AAK1: variants seen among roughly 807,000 people sequenced by gnomAD.
AAK1 encodes the protein AP2 associated kinase 1.
In AAK1, 37 loss-of-function variants were observed where a neutral mutation model predicts 116.0. That is an observed-to-expected ratio of 0.32 (90% confidence interval 0.25 to 0.42). The LOEUF (loss-of-function observed/expected upper bound fraction) is 0.42. AAK1 is among the 10% of genes least tolerant of loss of function. The pLI is 1.00. For missense variants in AAK1, 919 were observed against 1,170.6 expected (o/e 0.79, Z 3.14); for synonymous variants, 458 against 439.9 (o/e 1.04, Z -0.51).
intron 2 of AAK1, among the ~76,000 whole-genome samples, chr2:69,592,948 A>G (rs1673099448): frequency 6.6e-6 from 1 of 152,248 alleles, no homozygotes; most frequent in Admixed American, 6.5e-5. Context: ...CTAGTTTATA[A>G]GCCTGAATAA....
chr2:69,527,385 A>T, intron 8 of AAK1, 66 bp from the exon 9 acceptor site: 2 of 1,076,782 alleles, frequency 1.9e-6, no homozygotes, highest in Middle Eastern at 2.2e-4. Flanking sequence ...AGGAAGCATC[A>T]TTCCTCTCTC....
chr2:69,604,501 T>G (rs1367726566), intron 2 of AAK1, among the ~76,000 whole-genome samples: 1 of 152,184 alleles, frequency 6.6e-6, no homozygotes, highest in Non-Finnish European at 1.5e-5. Flanking sequence ...ACTCACCCTC[T>G]TACCTTCTTG....
intron 2 of AAK1, among the ~76,000 whole-genome samples, chr2:69,611,136 C>T (rs777126911): frequency 1.3e-5 from 2 of 152,172 alleles, no homozygotes; most frequent in Admixed American, 6.5e-5. Context: ...AGGAGACTGA[C>T]ATTTGAGTTG....
rs200675453 is a variant in AAK1, at chr2:69,591,517, C to CTTTT, written c.164-34543_164-34540dup. ...TTCTATAATTTTTTTTTCTTTTTTT[C>CTTTT]TTTTTCTTTTTTTTTTTTTTTGAGA... On this transcript the variant is annotated intron_variant, in intron 2 of 21. Transcript: ENST00000409085. Among the ~76,000 whole-genome samples the CTTTT allele has an allele frequency of 6.2e-4, 84 of 135,072 alleles. 5 individuals carry two copies. Among genetic ancestry groups the CTTTT allele is most frequent in the East Asian group, 2.0e-3 (8 of 3,974 alleles). 88.6% of individuals were successfully genotyped at this position (135,072 alleles called of 152,430 possible).
Position 69,459,107 on chromosome 2 carries a change from A to T in AAK1, c.*16762T>A, listed in dbSNP as rs552140058. ...TACCATGTAGCCATTTTTACCAGCT[A>T]TTCTAGAGTCCCTTCACACATAAAC... On this transcript the variant is annotated 3_prime_UTR_variant, in exon 22 of 22. Coordinates refer to ENST00000409085, the MANE Select transcript of AAK1 (RefSeq NM_014911.5). 3 of 152,288 alleles carry T rather than the reference A, an allele frequency of 2.0e-5. No individual in the cohort carries two copies. Among genetic ancestry groups the T allele is most frequent in the African/African-American group, 7.2e-5 (3 of 41,568 alleles). The allele number at this position is 152,288 out of a possible 1,614,324, so 9.4% of individuals were successfully genotyped here. A position where few individuals can be genotyped will look rare whatever the true frequency, so the allele number is the denominator to read the frequency against.
In AAK1 at chr2:69,577,399, G is replaced by A. The variant is rs148602153; in HGVS notation, c.164-20421C>T. Among the ~76,000 whole-genome samples the A allele has an allele frequency of 1.1e-3, 175 of 152,218 alleles. 2 individuals carry two copies. Among genetic ancestry groups the A allele is most frequent in the African/African-American group, 3.9e-3 (163 of 41,536 alleles). ...TCCACTGTCTGATCTCTGACCCCAC[G>A]TACTTAAGAGGGGGCAGGGTGCCAT... On this transcript the variant is annotated intron_variant, in intron 2 of 21. Coordinates refer to ENST00000409085, the MANE Select transcript of AAK1 (RefSeq NM_014911.5).
Position 69,465,156 on chromosome 2 carries a change from A to G in AAK1, c.*10713T>C, listed in dbSNP as rs887333390. ...AAAGCAGAGTTCTTGGTGGAAGTGG[A>G]TGACCTCTGTGAAGGAGATGAAAAT... On this transcript the variant is annotated 3_prime_UTR_variant, in exon 22 of 22. Transcript: ENST00000409085. 2.5e-5 allele frequency: 6 copies of G among 241,352 alleles called. No individual in the cohort carries two copies. The highest frequency in any genetic ancestry group is 1.1e-4 in the East Asian group (1 of 8,776). 15.0% of individuals were successfully genotyped at this position (241,352 alleles called of 1,614,324 possible). A position where few individuals can be genotyped will look rare whatever the true frequency, so the allele number is the denominator to read the frequency against.
chr2:69,602,938 C>CT (rs1292358167), intron 2 of AAK1, among the ~76,000 whole-genome samples: 3 of 152,184 alleles, frequency 2.0e-5, no homozygotes, highest in African/African-American at 7.2e-5. Context: ...GAAAAGAAAA[C>CT]TATGTATTAT....
intron 2 of AAK1, among the ~76,000 whole-genome samples, chr2:69,607,623 A>G (rs11885935): frequency 0.11 from 17,465 of 152,012 alleles, 2,259 homozygotes; most frequent in African/African-American, 0.3. Context: ...TATCATGAAA[A>G]CCTTCTAGAT....
In AAK1 at chr2:69,473,467, G is replaced by A. The variant is rs553350457; in HGVS notation, c.*2402C>T. 94 of 985,382 alleles carry A rather than the reference G, an allele frequency of 9.5e-5. 2 individuals carry two copies. The South Asian group carries it at 4.0e-3, about 42-fold the overall frequency. 61.0% of individuals were successfully genotyped at this position (985,382 alleles called of 1,614,324 possible). A position where few individuals can be genotyped will look rare whatever the true frequency, so the allele number is the denominator to read the frequency against. ...GAAAAATAGTTCTCCCCTTTGAGGA[G>A]GCCTTACTCTAAATAAGCCCAAGAC... On this transcript the variant is annotated 3_prime_UTR_variant, in exon 22 of 22. Coordinates refer to ENST00000409085, the MANE Select transcript of AAK1 (RefSeq NM_014911.5).
chr2:69,531,417 G>T (rs942871842), intron 6 of AAK1, among the ~76,000 whole-genome samples: 1 of 152,210 alleles, frequency 6.6e-6, no homozygotes, highest in Admixed American at 6.5e-5. Flanking sequence ...CAGGATGTAG[G>T]TGTGCAGGCT....
chr2:69,515,467 A>AG (rs1234931228), intron 12 of AAK1, among the ~76,000 whole-genome samples: 1 of 152,046 alleles, frequency 6.6e-6, no homozygotes, highest in Non-Finnish European at 1.5e-5. Context: ...CTGGTATCAC[A>AG]GGTGCACACT....
chr2:69,594,171 C>G (rs1351652352), intron 2 of AAK1, among the ~76,000 whole-genome samples: 1 of 152,196 alleles, frequency 6.6e-6, no homozygotes, highest in Admixed American at 6.5e-5. Flanking sequence ...AGTGGTATAT[C>G]TCTAAATTCA....
In AAK1 at chr2:69,472,211, T is replaced by C; in HGVS notation, c.*3658A>G. 1 of 968,492 alleles carries C rather than the reference T, an allele frequency of 1.0e-6. No homozygotes were observed. The allele number at this position is 968,492 out of a possible 1,614,324, so 60.0% of individuals were successfully genotyped here. On this transcript the variant is annotated 3_prime_UTR_variant, in exon 22 of 22. Transcript: ENST00000409085. ...AGAATTTTTTGTGGATTATCCTTTT[T>C]ACTGTCTTCAACAGTAACCACTCTT...
At chr2:69,510,468 A>G (rs1307330426) in intron 13 of AAK1, among the ~76,000 whole-genome samples, 1 of 152,188 alleles carries the variant, frequency 6.6e-6, no homozygotes, top group Non-Finnish European at 1.5e-5. Context: ...ATTTAGGTTG[A>G]TCCCATGTCT....
In AAK1 at chr2:69,473,541, C is replaced by G. The variant is rs1231023039; in HGVS notation, c.*2328G>C. ...AGGCTTCTACTGCCGTCTCTGGCTTCTAGTCTGCTCATTTTCATTAACTGC... is the reference window on the plus strand; with the variant it reads ...AGGCTTCTACTGCCGTCTCTGGCTTGTAGTCTGCTCATTTTCATTAACTGC... On this transcript the variant is annotated 3_prime_UTR_variant, in exon 22 of 22. Coordinates refer to ENST00000409085, the MANE Select transcript of AAK1 (RefSeq NM_014911.5). The G allele has an allele frequency of 2.0e-6, 2 of 985,302 alleles. No homozygotes were observed. Among genetic ancestry groups the G allele is most frequent in the Non-Finnish European group, 2.4e-6 (2 of 829,918 alleles). 61.0% of individuals were successfully genotyped at this position (985,302 alleles called of 1,614,324 possible).
intron 2 of AAK1, among the ~76,000 whole-genome samples, chr2:69,635,662 T>C (rs1046177516): frequency 4.6e-5 from 7 of 152,224 alleles, no homozygotes; most frequent in African/African-American, 1.7e-4. Flanking sequence ...GAGGACATTA[T>C]GCTAAGTGAA....
intron 2 of AAK1, among the ~76,000 whole-genome samples, chr2:69,584,218 A>C (rs926284485): frequency 6.6e-6 from 1 of 152,192 alleles, no homozygotes; most frequent in Non-Finnish European, 1.5e-5. Context: ...TAAAAAACAC[A>C]ATCAGGGAAT....
At chr2:69,627,856 A>G (rs1015201592) in intron 2 of AAK1, among the ~76,000 whole-genome samples, 4 of 152,152 alleles carry the variant, frequency 2.6e-5, no homozygotes, top group African/African-American at 9.7e-5. Flanking sequence ...TTGGATTTCC[A>G]CTGATGGCTC....
Sources: gnomAD v4.1 joint callset for allele counts (sites outside exome capture counted in the v4.1 genomes callset) on GRCh38, gnomAD v4.1.1 for gene constraint, MANE v1.5 for transcripts, NCBI Gene and HGNC (gene_info 2026-07-23, HGNC 2026-07-21) for gene names.